Variants in TULP4 observed in about 807,000 individuals in gnomAD.
TULP4 encodes the protein tubby-related protein 4.
In TULP4, 16 loss-of-function variants were observed where a neutral mutation model predicts 129.0. The ratio of observed to expected loss-of-function variants is 0.12; its 90% CI spans 0.08 to 0.19. TULP4 has a LOEUF of 0.19. Among genes scored for constraint, TULP4 ranks in the 10% least tolerant of loss-of-function variants. The pLI, the probability that TULP4 is intolerant of heterozygous loss-of-function variation, is 1.00. For missense variants in TULP4, 1,842 were observed against 2,059.1 expected, an observed-to-expected ratio of 0.89 and a Z score of 2.04; for synonymous variants, 998 against 854.0, an observed-to-expected ratio of 1.17 and a Z score of -2.94.
At chr6:158,470,686 T>G (rs937313915) in intron 6 of TULP4, among the ~76,000 whole-genome samples, 1 of 152,192 alleles carries the variant, frequency 6.6e-6, no homozygotes, top group African/African-American at 2.4e-5. Context: ...CAGTTGAAAG[T>G]AGACATGAAA....
At chr6:158,375,312 T>A (rs1777159006) in intron 1 of TULP4, among the ~76,000 whole-genome samples, 1 of 152,216 alleles carries the variant, frequency 6.6e-6, no homozygotes, top group African/African-American at 2.4e-5. Flanking sequence ...TTGTTGGCAA[T>A]TCAGCGTGTT....
At chr6:158,357,144 C>T (rs1044988467) in intron 1 of TULP4, among the ~76,000 whole-genome samples, 1 of 152,204 alleles carries the variant, frequency 6.6e-6, no homozygotes, top group African/African-American at 2.4e-5. Context: ...CTAGCTTCTC[C>T]CGTCTGCAGC....
intron 1 of TULP4, among the ~76,000 whole-genome samples, chr6:158,257,364 A>G (rs970329235): frequency 2.0e-5 from 3 of 152,178 alleles, no homozygotes; most frequent in African/African-American, 7.2e-5. Context: ...AATGGAGGGA[A>G]TTCAGTCTGT....
chr6:158,406,650 G>A (rs1443636456), intron 1 of TULP4, among the ~76,000 whole-genome samples: 1 of 152,184 alleles, frequency 6.6e-6, no homozygotes, highest in African/African-American at 2.4e-5. Context: ...TAGCTCTTCA[G>A]CATTGTTTTA....
Position 158,508,369 on chromosome 6 carries a change from T to A in TULP4, c.*1675T>A, listed in dbSNP as rs557599028. On this transcript the variant is annotated 3_prime_UTR_variant, in exon 14 of 14. Transcript: ENST00000367097. ...AACGTTTTTTAATCCCCTGTTTTAGTTAAAAAATTGGAAAAGAAACCGACC... is the reference window on the plus strand; with the variant it reads ...AACGTTTTTTAATCCCCTGTTTTAGATAAAAAATTGGAAAAGAAACCGACC... 2.4e-4 allele frequency: 37 copies of A among 152,332 alleles called. No homozygotes were observed. Among genetic ancestry groups the A allele is most frequent in the African/African-American group, 8.2e-4 (34 of 41,582 alleles). The allele number at this position is 152,332 out of a possible 1,614,324, so 9.4% of individuals were successfully genotyped here. A position where few individuals can be genotyped will look rare whatever the true frequency, so the allele number is the denominator to read the frequency against.
intron 8 of TULP4, among the ~76,000 whole-genome samples, chr6:158,483,409 T>C (rs1779992509): frequency 6.6e-6 from 1 of 152,292 alleles, no homozygotes; most frequent in East Asian, 1.9e-4. Context: ...TACAGCTCAC[T>C]ACAGCCTTGA....
chr6:158,418,099 G>GTTTT (rs35832683), intron 2 of TULP4, among the ~76,000 whole-genome samples: 1 of 134,266 alleles, frequency 7.4e-6, no homozygotes, highest in African/African-American at 2.8e-5. Context: ...GTGTGTGTGT[G>GTTTT]TTTTTTTTTT....
chr6:158,405,722 CA>C lies in TULP4; in HGVS notation c.253-7342del, dbSNP rs553138718. ...ATTATGGTGCGTCAGGGTAGCCTTC[CA>C]CCCTTTAGCACAGAGCTTGGCGTTC... On this transcript the variant is annotated intron_variant, in intron 1 of 13. Transcript: ENST00000367097. Among the ~76,000 whole-genome samples the C allele has an allele frequency of 7.6e-4, 116 of 152,198 alleles. 1 individual carries two copies. The highest frequency in any genetic ancestry group is 2.7e-3 in the African/African-American group (112 of 41,516).
At chr6:158,385,648 A>G (rs969793222) in intron 1 of TULP4, among the ~76,000 whole-genome samples, 1 of 149,140 alleles carries the variant, frequency 6.7e-6, no homozygotes, top group East Asian at 1.9e-4. Flanking sequence ...ATAATTATAC[A>G]TGTACAATAT....
At chr6:158,318,911 T>G (rs1350484359) in intron 1 of TULP4, among the ~76,000 whole-genome samples, 1 of 149,730 alleles carries the variant, frequency 6.7e-6, no homozygotes, top group Non-Finnish European at 1.5e-5. Flanking sequence ...TTTTTTTTTT[T>G]TTTTTTTTTT....
At chr6:158,427,685 G>C (rs923450769) in intron 2 of TULP4, among the ~76,000 whole-genome samples, 2 of 151,356 alleles carry the variant, frequency 1.3e-5, no homozygotes, top group African/African-American at 4.9e-5. Context: ...GTAGAAACAG[G>C]GTTTCACCAT....
chr6:158,471,528 G>A (rs1357015630), intron 6 of TULP4, among the ~76,000 whole-genome samples: 2 of 152,238 alleles, frequency 1.3e-5, no homozygotes, highest in Non-Finnish European at 2.9e-5. Flanking sequence ...TTCAAGAGGA[G>A]GTGATACAAA....
At chr6:158,388,309 TCTG>T (rs1366171901) in intron 1 of TULP4, among the ~76,000 whole-genome samples, 8 of 148,290 alleles carry the variant, frequency 5.4e-5, no homozygotes, top group Non-Finnish European at 1.0e-4. Flanking sequence ...AGAAAAATAA[TCTG>T]CTCGTTTTTC....
chr6:158,232,978 C>T (rs73027873), intron 1 of TULP4, among the ~76,000 whole-genome samples: 30,188 of 152,284 alleles, frequency 0.2, 3,615 homozygotes, highest in East Asian at 0.52. Context: ...AGCACCAACC[C>T]TTCCTCTTTG....
rs1342571167 is a variant in TULP4, at chr6:158,388,330, T to C, written c.253-24735T>C. ...ATAATCTGCTCGTTTTTCTTTTTTT[T>C]TTTTTTTTTTTTTTTTTGAGACGGA... On this transcript the variant is annotated intron_variant, in intron 1 of 13. Transcript: ENST00000367097. Among the ~76,000 whole-genome samples the C allele has an allele frequency of 9.4e-5, 12 of 127,854 alleles. No individual in the cohort carries two copies. The East Asian group carries it at 2.5e-3, about 27-fold the overall frequency. The allele number at this position is 127,854 out of a possible 152,430, so 83.9% of individuals were successfully genotyped here.
Position 158,503,182 on chromosome 6 carries a change from T to G in TULP4, c.3519T>G (p.Ser1173=), listed in dbSNP as rs1463453797. ...VSRLPFISPK[S]PASPTATFQT... Reference sequence around the variant, plus strand: ...GACTGCCCTTCATCTCCCCCAAGTCTCCTGCCAGCCCCACTGCCACTTTCC... The same window carrying G: ...GACTGCCCTTCATCTCCCCCAAGTCGCCTGCCAGCCCCACTGCCACTTTCC... The change falls in exon 13 of 14, where the codon TCT becomes TCG. Residue 1173 remains serine (S), a synonymous_variant. Transcript: ENST00000367097. This position sits in a 1 kb window ranked among gnomAD's most constrained non-coding sequence, Gnocchi z 4.3. 1.2e-6 allele frequency: 2 copies of G among 1,613,712 alleles called. No individual in the cohort carries two copies. The highest frequency in any genetic ancestry group is 1.7e-6 in the Non-Finnish European group (2 of 1,179,784).
chr6:158,349,439 G>A (rs1356010466), intron 1 of TULP4, among the ~76,000 whole-genome samples: 24 of 142,128 alleles, frequency 1.7e-4, no homozygotes, highest in East Asian at 4.3e-4. Context: ...CATCCCAGAC[G>A]GGGCGGCTGG....
intron 1 of TULP4, among the ~76,000 whole-genome samples, chr6:158,347,376 A>G (rs901728512): frequency 1.3e-5 from 2 of 152,226 alleles, no homozygotes; most frequent in Admixed American, 6.5e-5. Context: ...ATCACTTCCT[A>G]CCATTCTACT....
chr6:158,432,317 G>A (rs576269733), intron 3 of TULP4, among the ~76,000 whole-genome samples: 30 of 152,182 alleles, frequency 2.0e-4, no homozygotes, highest in Admixed American at 9.8e-4. Flanking sequence ...TAGACAGGTT[G>A]TGGGCCAGCC....
Sources: gnomAD v4.1 joint callset for allele counts (sites outside exome capture counted in the v4.1 genomes callset) on GRCh38, gnomAD v4.1.1 for gene constraint, Gnocchi (gnomAD v3.1) non-coding constraint, MANE v1.5 for transcripts, NCBI Gene and HGNC (gene_info 2026-07-23, HGNC 2026-07-21) for gene names.